Variants in MYO3B observed in about 807,000 individuals in gnomAD.
MYO3B encodes myosin IIIB, also known as myosin-IIIb.
In MYO3B, 156 loss-of-function variants were observed where a neutral mutation model predicts 174.6. That is an observed-to-expected ratio of 0.89 (90% CI 0.78 to 1.02). The LOEUF (loss-of-function observed/expected upper bound fraction) is 1.02, where lower values mean the gene tolerates loss of function less well. MYO3B is among the 50% of genes least tolerant of loss of function. The pLI is 0.00. For missense variants in MYO3B, 1,632 were observed against 1,639.4 expected (o/e 1.00, Z 0.08); for synonymous variants, 563 against 569.1 (o/e 0.99, Z 0.15).
At chr2:170,486,553 G>A (rs1209690553) in intron 25 of MYO3B, among the ~76,000 whole-genome samples, 21 of 152,002 alleles carry the variant, frequency 1.4e-4, no homozygotes, top group Admixed American at 1.2e-3. Context: ...CGCCCGCCTC[G>A]GCCTCCCAGA....
At chr2:170,483,560 G>C (rs1231640248) in intron 25 of MYO3B, among the ~76,000 whole-genome samples, 1 of 125,994 alleles carries the variant, frequency 7.9e-6, no homozygotes, top group African/African-American at 4.9e-5. Flanking sequence ...CTAATTTTTT[G>C]TATTTTTAGT....
At position 170,401,796 on chromosome 2, in the gene MYO3B, C is replaced by CTTTTTTTTTTTTTTTTTTTT. The variant is rs1268110549; in HGVS notation, c.2129+110_2129+111insTTTTTTTTTTTTTTTTTTTT. The CTTTTTTTTTTTTTTTTTTTT allele has an allele frequency of 1.4e-4, 112 of 794,388 alleles. 2 individuals are homozygous for CTTTTTTTTTTTTTTTTTTTT. In the African/African-American group the frequency reaches 2.0e-3, roughly 14 times the overall value. The allele number at this position is 794,388 out of a possible 1,614,324, so 49.2% of individuals were successfully genotyped here. A position where few individuals can be genotyped will look rare whatever the true frequency, so the allele number is the denominator to read the frequency against. On this transcript the variant is annotated intron_variant, in intron 18 of 34. Transcript: ENST00000408978. ...TTTGGTCCTCTCTGGGATTTTCTTTCTTTTTCTTTTTTTTTTTTTTTGTGG... is the reference window on the plus strand; with the variant it reads ...TTTGGTCCTCTCTGGGATTTTCTTTCTTTTTTTTTTTTTTTTTTTTTTTTTCTTTTTTTTTTTTTTTGTGG...
rs557194477 is a variant in MYO3B, at chr2:170,630,811, G to T, written c.3734-20817G>T. Among the ~76,000 whole-genome samples, 3 of 152,328 alleles carry T rather than the reference G, an allele frequency of 2.0e-5. 1 individual carries two copies. Among genetic ancestry groups the T allele is most frequent in the African/African-American group, 7.2e-5 (3 of 41,560 alleles). On this transcript the variant is annotated intron_variant, in intron 32 of 34. Transcript: ENST00000408978. ...AAACTCCAACAGACCTGCAACTGAG[G>T]GACCTGACTGTTAGAAGGAAAACTA...
At chr2:170,253,541 A>G (rs555393831) in intron 7 of MYO3B, among the ~76,000 whole-genome samples, 1 of 152,328 alleles carries the variant, frequency 6.6e-6, no homozygotes, top group African/African-American at 2.4e-5. Context: ...GACTGGAGAC[A>G]TAAATGCAGA....
At chr2:170,495,748 G>A (rs1233977035) in intron 25 of MYO3B, among the ~76,000 whole-genome samples, 1 of 152,112 alleles carries the variant, frequency 6.6e-6, no homozygotes, top group Admixed American at 6.5e-5. Flanking sequence ...AGCAAGCCTG[G>A]GCTACTTAAA....
intron 8 of MYO3B, among the ~76,000 whole-genome samples, chr2:170,354,780 G>A (rs1002045869): frequency 2.0e-5 from 3 of 152,146 alleles, no homozygotes; most frequent in African/African-American, 7.2e-5. Context: ...AGGCTTTGAT[G>A]TAATAGATGG....
intron 22 of MYO3B, among the ~76,000 whole-genome samples, chr2:170,417,661 C>T (rs1451846126): frequency 6.6e-6 from 1 of 152,170 alleles, no homozygotes; most frequent in Non-Finnish European, 1.5e-5. Flanking sequence ...GGTTTTCTGG[C>T]AATCGTTGGT....
chr2:170,649,189 TATATATTATATATAAAATAATATATA>T (rs1266330451), intron 32 of MYO3B, among the ~76,000 whole-genome samples: 23 of 33,350 alleles, frequency 6.9e-4, no homozygotes, highest in East Asian at 1.4e-3. Context: ...TATAAAATAA[TATATATTATATATAAAATAATATATA>T]ATATATTATA....
chr2:170,453,202 A>G (rs547867079), intron 23 of MYO3B, among the ~76,000 whole-genome samples: 1 of 152,262 alleles, frequency 6.6e-6, no homozygotes, highest in East Asian at 1.9e-4. Flanking sequence ...TGTAACTGAC[A>G]AGCCTGCCAG....
Position 170,402,998 on chromosome 2 carries a change from A to G in MYO3B, c.2277+3A>G. On this transcript the variant is annotated splice_donor_region_variant and intron_variant, in intron 19 of 34. Coordinates refer to ENST00000408978, the MANE Select transcript of MYO3B (RefSeq NM_138995.5). Reference sequence around the variant, plus strand: ...AGCATGTTTTTGCTCTTGAGCAGGTAATAGTGAACTCTGAGGTAACTAAAC... The same window carrying G: ...AGCATGTTTTTGCTCTTGAGCAGGTGATAGTGAACTCTGAGGTAACTAAAC... 6.3e-7 allele frequency: 1 copy of G among 1,585,292 alleles called. No individual in the cohort carries two copies.
chr2:170,460,839 TTTTA>T (rs1575015370), intron 23 of MYO3B, among the ~76,000 whole-genome samples: 1 of 152,226 alleles, frequency 6.6e-6, no homozygotes, highest in East Asian at 1.9e-4. Context: ...AGATTATTCC[TTTTA>T]TTTATTTATA....
intron 32 of MYO3B, among the ~76,000 whole-genome samples, chr2:170,592,149 G>A (rs569640094): frequency 6.0e-4 from 92 of 152,234 alleles, no homozygotes; most frequent in Middle Eastern, 3.4e-3. Flanking sequence ...CTGAGCCAAA[G>A]CCCTCACCAT....
chr2:170,339,953 C>T (rs1450299027), intron 8 of MYO3B, among the ~76,000 whole-genome samples: 1 of 152,132 alleles, frequency 6.6e-6, no homozygotes, highest in East Asian at 1.9e-4. Flanking sequence ...CAGCCCTTTC[C>T]CCTACGACTA....
At chr2:170,588,396 G>A (rs1693624949) in intron 32 of MYO3B, among the ~76,000 whole-genome samples, 1 of 152,118 alleles carries the variant, frequency 6.6e-6, no homozygotes, top group Non-Finnish European at 1.5e-5. Flanking sequence ...CAAGGATCTT[G>A]CCATTGCACT....
At chr2:170,415,554 A>G (rs1433127778) in intron 22 of MYO3B, among the ~76,000 whole-genome samples, 1 of 152,232 alleles carries the variant, frequency 6.6e-6, no homozygotes, top group African/African-American at 2.4e-5. Flanking sequence ...TATATCTGGC[A>G]TATAGTAAGC....
intron 16 of MYO3B, among the ~76,000 whole-genome samples, chr2:170,394,811 T>C (rs1443909113): frequency 6.6e-6 from 1 of 152,242 alleles, no homozygotes. Flanking sequence ...GTTCACTTCA[T>C]GTTTATAAAC....
chr2:170,373,970 C>T (rs1032967025), intron 9 of MYO3B, among the ~76,000 whole-genome samples: 1 of 152,040 alleles, frequency 6.6e-6, no homozygotes, highest in Non-Finnish European at 1.5e-5. Context: ...TGCTTAATAG[C>T]ATAGAAAACC....
Position 170,369,234 on chromosome 2 carries a change from G to C in MYO3B, c.828G>C (p.Lys276Asn). 1 of 1,612,840 alleles carries C rather than the reference G, an allele frequency of 6.2e-7. No individual in the cohort carries two copies. The highest frequency in any genetic ancestry group is 1.1e-5 in the South Asian group (1 of 90,892). ...TTTTTGCAAACAGGTGTCTTATTAA[G>C]GATTTTGAAAGGCGACCTTCCGTCA... ...FNHFISQCLI[K>N]DFERRPSVTH... The change falls in exon 9 of 35, where the codon AAG (lysine) becomes AAC (asparagine). Residue 276 changes from lysine to asparagine, a missense_variant. Coordinates refer to ENST00000408978, the MANE Select transcript of MYO3B (RefSeq NM_138995.5).
chr2:170,634,106 GA>G (rs1697256210), intron 32 of MYO3B, among the ~76,000 whole-genome samples: 1 of 151,984 alleles, frequency 6.6e-6, no homozygotes, highest in South Asian at 2.1e-4. Context: ...CACAGAATTG[GA>G]AAAAAACTAC....
Sources: gnomAD v4.1 joint callset for allele counts (sites outside exome capture counted in the v4.1 genomes callset) on GRCh38, gnomAD v4.1.1 for gene constraint, MANE v1.5 for transcripts, NCBI Gene and HGNC (gene_info 2026-07-23, HGNC 2026-07-21) for gene names.